KCND2: variants seen among roughly 807,000 people sequenced by gnomAD.
KCND2 encodes A-type voltage-gated potassium channel KCND2.
A neutral mutation model predicts 54.4 loss-of-function variants in KCND2; 16 were observed. The ratio of observed to expected loss-of-function variants is 0.29; its 90% CI spans 0.20 to 0.45. KCND2 has a LOEUF of 0.45. KCND2 is among the 20% of genes least tolerant of loss of function. KCND2 has a pLI of 1.00. For synonymous variants in KCND2, 317 were observed against 310.7 expected (o/e 1.02, Z -0.21); for missense variants, 486 against 824.2 (o/e 0.59, Z 5.02).
intron 1 of KCND2, among the ~76,000 whole-genome samples, chr7:120,576,714 A>G (rs1271912385): frequency 1.3e-5 from 2 of 152,156 alleles, no homozygotes; most frequent in African/African-American, 4.8e-5. Context: ...TCCTTAGGCC[A>G]ATATCTGAAG....
intron 1 of KCND2, among the ~76,000 whole-genome samples, chr7:120,367,826 G>A (rs1371601965): frequency 2.0e-5 from 3 of 151,950 alleles, no homozygotes; most frequent in African/African-American, 7.2e-5. Flanking sequence ...GTAGCAGTGA[G>A]GACACAGCTG....
rs190207941 is a variant in KCND2, at chr7:120,388,167, A to G, written c.1115+112420A>G. On this transcript the variant is annotated intron_variant, in intron 1 of 5. Transcript: ENST00000331113. Reference sequence around the variant, plus strand: ...GATTTCTGGTGATGTAGAAAATTTTATGATAGTATAGAAATTAACTCCTCC... The same window carrying G: ...GATTTCTGGTGATGTAGAAAATTTTGTGATAGTATAGAAATTAACTCCTCC... Among the ~76,000 whole-genome samples, 4 of 152,202 alleles carry G rather than the reference A, an allele frequency of 2.6e-5. No homozygotes were observed. In the East Asian group the frequency reaches 7.8e-4, roughly 30 times the overall value.
intron 1 of KCND2, among the ~76,000 whole-genome samples, chr7:120,626,105 C>T (rs1793160735): frequency 6.6e-6 from 1 of 152,012 alleles, no homozygotes. Flanking sequence ...AATGTGTGGT[C>T]TGCATTAATA....
chr7:120,489,210 C>T (rs1183787866), intron 1 of KCND2, among the ~76,000 whole-genome samples: 1 of 151,614 alleles, frequency 6.6e-6, no homozygotes, highest in African/African-American at 2.4e-5. Context: ...ATAAAAAAAG[C>T]CTTGTATGTC....
At chr7:120,728,123 A>C (rs1351868617) in intron 1 of KCND2, among the ~76,000 whole-genome samples, 5 of 138,518 alleles carry the variant, frequency 3.6e-5, no homozygotes, top group African/African-American at 1.3e-4. Context: ...ACAGAGGGAG[A>C]TTCCGTCTCA....
intron 1 of KCND2, among the ~76,000 whole-genome samples, chr7:120,565,048 A>C (rs2116416755): frequency 6.6e-6 from 1 of 152,330 alleles, no homozygotes; most frequent in African/African-American, 2.4e-5. Context: ...TGATATTAAT[A>C]GATTTTCTTA....
intron 1 of KCND2, among the ~76,000 whole-genome samples, chr7:120,585,354 A>G (rs1792583554): frequency 6.6e-6 from 1 of 152,156 alleles, no homozygotes; most frequent in South Asian, 2.1e-4. Flanking sequence ...AGGTAAAGAA[A>G]GTCATCATGG....
chr7:120,675,516 G>A (rs536162499), intron 1 of KCND2, among the ~76,000 whole-genome samples: 11 of 151,994 alleles, frequency 7.2e-5, no homozygotes, highest in Non-Finnish European at 1.2e-4. Flanking sequence ...GATTACCAGC[G>A]TGAGCCACTG....
At chr7:120,327,954 C>G (rs925304601) in intron 1 of KCND2, among the ~76,000 whole-genome samples, 1 of 152,070 alleles carries the variant, frequency 6.6e-6, no homozygotes, top group Non-Finnish European at 1.5e-5. Flanking sequence ...GCAACTATGT[C>G]CCTAAATCTG....
intron 1 of KCND2, among the ~76,000 whole-genome samples, chr7:120,290,231 A>G (rs951515768): frequency 2.0e-5 from 3 of 152,056 alleles, no homozygotes; most frequent in Non-Finnish European, 4.4e-5. Context: ...TATATCACTC[A>G]TAACCCTTTC....
At chr7:120,559,316 G>T (rs1301510803) in intron 1 of KCND2, among the ~76,000 whole-genome samples, 1 of 152,154 alleles carries the variant, frequency 6.6e-6, no homozygotes, top group East Asian at 1.9e-4. Flanking sequence ...TGTTGTATTT[G>T]CCAGGCATTG....
At position 120,718,003 on chromosome 7, in the gene KCND2, G is replaced by A. The variant is rs559207612; in HGVS notation, c.1116-14900G>A. Among the ~76,000 whole-genome samples the A allele has an allele frequency of 4.6e-5, 7 of 152,084 alleles. No individual in the cohort carries two copies. In the East Asian group the frequency reaches 1.4e-3, roughly 29 times the overall value. On this transcript the variant is annotated intron_variant, in intron 1 of 5. Coordinates refer to ENST00000331113, the MANE Select transcript of KCND2 (RefSeq NM_012281.3). ...CCCCTGCACCAATATTACATAAGTGGTAGGCAGCAACCAGGGCAGTCAGCT... is the reference window on the plus strand; with the variant it reads ...CCCCTGCACCAATATTACATAAGTGATAGGCAGCAACCAGGGCAGTCAGCT...
intron 1 of KCND2, among the ~76,000 whole-genome samples, chr7:120,401,967 A>G (rs1316381105): frequency 1.3e-5 from 2 of 152,150 alleles, no homozygotes; most frequent in Non-Finnish European, 2.9e-5. Context: ...TTAATTTCTA[A>G]AAACAAAATT....
intron 1 of KCND2, among the ~76,000 whole-genome samples, chr7:120,651,882 A>G (rs1791738141): frequency 6.6e-6 from 1 of 152,130 alleles, no homozygotes; most frequent in Non-Finnish European, 1.5e-5. Flanking sequence ...TCTGATATCC[A>G]TGGACCCCCT....
chr7:120,659,024 C>T (rs575617710), intron 1 of KCND2, among the ~76,000 whole-genome samples: 12 of 152,220 alleles, frequency 7.9e-5, no homozygotes, highest in Admixed American at 2.6e-4. Context: ...TAACAGTCCT[C>T]GGTATGTAAC....
At chr7:120,338,888 T>TC (rs981278035) in intron 1 of KCND2, among the ~76,000 whole-genome samples, 2 of 147,336 alleles carry the variant, frequency 1.4e-5, no homozygotes, top group Non-Finnish European at 3.0e-5. Flanking sequence ...TGCTACTATC[T>TC]TTTTTTTTTG....
intron 4 of KCND2, among the ~76,000 whole-genome samples, chr7:120,744,871 G>A (rs1792986511): frequency 6.6e-6 from 1 of 152,116 alleles, no homozygotes; most frequent in Non-Finnish European, 1.5e-5. Flanking sequence ...TAGTAGTTCA[G>A]ACCAAAAATG....
intron 1 of KCND2, among the ~76,000 whole-genome samples, chr7:120,318,456 C>G (rs59728669): frequency 0.021 from 3,248 of 152,046 alleles, 130 homozygotes; most frequent in African/African-American, 0.074. Context: ...TCATAATGAC[C>G]AAAACTGTGC....
chr7:120,567,600 T>C lies in KCND2; in HGVS notation c.1116-165303T>C, dbSNP rs1311116192. The stretch of plus-strand genomic sequence containing the variant: ...GCAATCACCTATTTTTATATGTAAA[T>C]GCTTTCAGAGAAACACAAATATCTA... On this transcript the variant is annotated intron_variant, in intron 1 of 5. Coordinates refer to ENST00000331113, the MANE Select transcript of KCND2 (RefSeq NM_012281.3). Among the ~76,000 whole-genome samples, 4 of 152,162 alleles carry C rather than the reference T, an allele frequency of 2.6e-5. No homozygotes were observed. The East Asian group carries it at 7.7e-4, about 29-fold the overall frequency.
Sources: allele counts gnomAD v4.1 joint callset (sites outside exome capture counted in the v4.1 genomes callset), GRCh38; gene constraint gnomAD v4.1.1; transcripts MANE v1.5; gene names NCBI Gene and HGNC (gene_info 2026-07-23, HGNC 2026-07-21).